The following ACBD6 variants were observed in gnomAD, a reference collection of about 807,000 sequenced individuals.
ACBD6 encodes the protein acyl-CoA-binding domain-containing protein 6.
In ACBD6, 28 loss-of-function variants were observed where a neutral mutation model predicts 37.2. The ratio of observed to expected loss-of-function variants is 0.75; its 90% confidence interval spans 0.56 to 1.03. The LOEUF is 1.03. Among genes scored for constraint, ACBD6 ranks in the 50% least tolerant of loss-of-function variants. The pLI, the probability that ACBD6 is intolerant of heterozygous loss-of-function variation, is 0.00. For missense variants in ACBD6, 340 were observed against 337.4 expected (o/e 1.01, Z -0.06); for synonymous variants, 113 against 126.8 (o/e 0.89, Z 0.73).
chr1:180,360,757 C>T (rs1652816727), intron 6 of ACBD6, among the ~76,000 whole-genome samples: 1 of 152,006 alleles, frequency 6.6e-6, no homozygotes, highest in Non-Finnish European at 1.5e-5. Flanking sequence ...AAAATTTAAA[C>T]ATACTTGGCA....
At chr1:180,335,690 T>C (rs1651684149) in intron 6 of ACBD6, among the ~76,000 whole-genome samples, 1 of 148,762 alleles carries the variant, frequency 6.7e-6, no homozygotes, top group Admixed American at 6.7e-5. Context: ...ATGGGCTAAA[T>C]GCTCCAATTA....
At chr1:180,294,945 T>C (rs1649861697) in intron 7 of ACBD6, among the ~76,000 whole-genome samples, 1 of 152,112 alleles carries the variant, frequency 6.6e-6, no homozygotes, top group Non-Finnish European at 1.5e-5. Context: ...GTGATCCTTC[T>C]GCACTGGTCT....
At chr1:180,457,746 C>T (rs1223816711) in intron 3 of ACBD6, among the ~76,000 whole-genome samples, 1 of 150,286 alleles carries the variant, frequency 6.7e-6, no homozygotes, top group Non-Finnish European at 1.5e-5. Flanking sequence ...TACACAAACA[C>T]TAAATGCATT....
At chr1:180,464,637 T>C (rs1443994556) in intron 3 of ACBD6, among the ~76,000 whole-genome samples, 2 of 152,162 alleles carry the variant, frequency 1.3e-5, no homozygotes, top group Non-Finnish European at 2.9e-5. Context: ...TTAAATGCTA[T>C]TCCTATCAAA....
chr1:180,314,567 A>T, intron 7 of ACBD6, 125 bp downstream of exon 7: 1 of 785,052 alleles, frequency 1.3e-6, no homozygotes, highest in Non-Finnish European at 2.1e-6. Context: ...TTGAACAAAA[A>T]GTTATTGTAT....
At chr1:180,413,768 G>A (rs994198503) in intron 4 of ACBD6, among the ~76,000 whole-genome samples, 3 of 151,812 alleles carry the variant, frequency 2.0e-5, no homozygotes, top group Admixed American at 2.0e-4. Flanking sequence ...AAAAAGAGGG[G>A]GGCATTAAAA....
At chr1:180,330,849 T>C (rs550630673) in intron 6 of ACBD6, among the ~76,000 whole-genome samples, 4 of 152,330 alleles carry the variant, frequency 2.6e-5, no homozygotes, top group East Asian at 3.9e-4. Context: ...ATGGATAATA[T>C]ATGTGCTCTA....
At chr1:180,340,581 A>G (rs1458123617) in intron 6 of ACBD6, among the ~76,000 whole-genome samples, 1 of 151,946 alleles carries the variant, frequency 6.6e-6, no homozygotes, top group African/African-American at 2.4e-5. Flanking sequence ...GGATAGCAGT[A>G]TAACTGTATC....
Position 180,404,349 on chromosome 1 carries a change from C to T in ACBD6, c.574-6744G>A, listed in dbSNP as rs186792883. ...TATTTATTCATTTTTTATCACGAGA[C>T]GGGATCTCACTATGTTGCTCAGCCT... On this transcript the variant is annotated intron_variant, in intron 5 of 7. Transcript: ENST00000367595. 5.1e-4 allele frequency among the ~76,000 whole-genome samples: 77 copies of T among 152,170 alleles called. No individual in the cohort carries two copies. The East Asian group carries it at 0.012, about 23-fold the overall frequency.
At chr1:180,447,001 C>T (rs987751101) in intron 3 of ACBD6, among the ~76,000 whole-genome samples, 2 of 152,014 alleles carry the variant, frequency 1.3e-5, no homozygotes, top group Non-Finnish European at 2.9e-5. Context: ...AGATAACCCC[C>T]GACAGTCCAG....
At chr1:180,276,623 C>T (rs936346278) in intron 9 of ACBD6, 1 of 152,200 alleles carries the variant, frequency 6.6e-6, no homozygotes, top group African/African-American at 2.4e-5. Context: ...ATGCAGTCGT[C>T]TTTTTGGAGG....
In ACBD6 at chr1:180,430,214, C is replaced by T. The variant is rs1282798846; in HGVS notation, c.433G>A (p.Val145Ile). The change falls in exon 4 of 8, where the codon GTT becomes ATT. Residue 145 changes from valine (V) to isoleucine (I), a missense_variant. Coordinates refer to ENST00000367595, the MANE Select transcript of ACBD6 (RefSeq NM_032360.4). ...TCTTCATGATATAGAGAACTAATAA[C>T]TGGCCCACCAAAACCTGTATTTGCT... ...KEANTGFGGP[V>I]ISSLYHEETI... is the part of the protein sequence containing the mutation. 1.2e-6 allele frequency: 2 copies of T among 1,613,308 alleles called. No individual in the cohort carries two copies.
intron 4 of ACBD6, among the ~76,000 whole-genome samples, chr1:180,419,906 C>T (rs961438484): frequency 2.6e-5 from 4 of 152,134 alleles, no homozygotes; most frequent in African/African-American, 9.7e-5. Context: ...TGAAAATACA[C>T]CATAATTTCT....
intron 1 of ACBD6, among the ~76,000 whole-genome samples, chr1:180,495,957 G>A (rs140925814): frequency 4.6e-5 from 7 of 152,082 alleles, no homozygotes; most frequent in East Asian, 1.9e-4. Flanking sequence ...TTCTCATAAC[G>A]CTATTAGCAT....
At chr1:180,409,373 C>T (rs906182265) in intron 5 of ACBD6, among the ~76,000 whole-genome samples, 2 of 152,134 alleles carry the variant, frequency 1.3e-5, no homozygotes, top group East Asian at 1.9e-4. Context: ...GAAAGCTATA[C>T]AGGCATACCT....
At chr1:180,421,274 T>G (rs1219841341) in intron 4 of ACBD6, among the ~76,000 whole-genome samples, 1 of 152,236 alleles carries the variant, frequency 6.6e-6, no homozygotes, top group Non-Finnish European at 1.5e-5. Context: ...GTGTTTGGTT[T>G]TCTCTTCCTG....
intron 6 of ACBD6, among the ~76,000 whole-genome samples, chr1:180,346,830 C>A (rs1652198469): frequency 6.6e-6 from 1 of 152,032 alleles, no homozygotes; most frequent in African/African-American, 2.4e-5. Context: ...TGAGCTTGGG[C>A]AACATGGCAA....
intron 6 of ACBD6, among the ~76,000 whole-genome samples, chr1:180,367,755 T>C (rs1461706171): frequency 6.6e-6 from 1 of 152,232 alleles, no homozygotes; most frequent in Non-Finnish European, 1.5e-5. Context: ...TATTCTGTGA[T>C]GTATATGTAC....
intron 6 of ACBD6, among the ~76,000 whole-genome samples, chr1:180,344,069 G>C (rs1345162586): frequency 6.6e-6 from 1 of 152,090 alleles, no homozygotes; most frequent in African/African-American, 2.4e-5. Flanking sequence ...AATTCTAGCT[G>C]GTCTGAGAAA....
Sources: gnomAD v4.1 joint callset for allele counts (sites outside exome capture counted in the v4.1 genomes callset) on GRCh38, gnomAD v4.1.1 for gene constraint, MANE v1.5 for transcripts, NCBI Gene and HGNC (gene_info 2026-07-23, HGNC 2026-07-21) for gene names.